ZNF791: variants seen among roughly 807,000 people sequenced by gnomAD.
The protein encoded by ZNF791 is zinc finger protein 791.
Under a neutral mutation model 11.5 loss-of-function variants are expected in ZNF791, and 4 were observed. That is an observed-to-expected ratio of 0.35 (90% CI 0.17 to 0.80). The LOEUF is 0.80. ZNF791 is among the 30% of genes least tolerant of loss of function. The pLI, the probability that ZNF791 is intolerant of heterozygous loss-of-function variation, is 0.53. For synonymous variants in ZNF791, 212 were observed against 228.1 expected, an observed-to-expected ratio of 0.93 and a Z score of 0.64; for missense variants, 559 against 699.4, an observed-to-expected ratio of 0.80 and a Z score of 2.26.
chr19:12,613,080 C>T (rs1017617897), intron 1 of ZNF791, among the ~76,000 whole-genome samples: 3 of 152,024 alleles, frequency 2.0e-5, no homozygotes, highest in African/African-American at 7.2e-5. Context: ...GCCTTAGCCT[C>T]CCAAGTACCT....
At chr19:12,614,633 T>G (rs996749726) in intron 1 of ZNF791, among the ~76,000 whole-genome samples, 1 of 151,468 alleles carries the variant, frequency 6.6e-6, no homozygotes, top group African/African-American at 2.4e-5. Flanking sequence ...TTGCTCTTGT[T>G]GCCCAGGCTG....
intron 1 of ZNF791, among the ~76,000 whole-genome samples, chr19:12,618,977 A>G (rs549126666): frequency 6.5e-4 from 98 of 151,460 alleles, no homozygotes; most frequent in East Asian, 4.8e-3. Flanking sequence ...CCTCCCGAGT[A>G]GCTGGGACTA....
chr19:12,613,002 A>G (rs758315240), intron 1 of ZNF791, among the ~76,000 whole-genome samples: 2 of 151,608 alleles, frequency 1.3e-5, no homozygotes, highest in Non-Finnish European at 2.9e-5. Flanking sequence ...TAGACATTAC[A>G]TTTGAGTTTC....
At position 12,630,581 on chromosome 19, in the gene ZNF791, C is replaced by T. The variant is rs2023491295; in HGVS notation, c.*1321C>T. On this transcript the variant is annotated 3_prime_UTR_variant, in exon 4 of 4. Coordinates refer to ENST00000343325, the MANE Select transcript of ZNF791 (RefSeq NM_153358.3). ...TGTGTTTTTTTAACAGTAAGACAGTCTCAGGCAGGTCCTTAAGGAGATATT... is the reference window on the plus strand; with the variant it reads ...TGTGTTTTTTTAACAGTAAGACAGTTTCAGGCAGGTCCTTAAGGAGATATT... The T allele has an allele frequency of 6.6e-6, 1 of 152,122 alleles. No individual in the cohort carries two copies. The highest frequency in any genetic ancestry group is 2.4e-5 in the African/African-American group (1 of 41,420). 9.4% of individuals were successfully genotyped at this position (152,122 alleles called of 1,614,324 possible). A position where few individuals can be genotyped will look rare whatever the true frequency, so the allele number is the denominator to read the frequency against.
chr19:12,617,034 A>G (rs573822139), intron 1 of ZNF791, among the ~76,000 whole-genome samples: 67 of 152,002 alleles, frequency 4.4e-4, no homozygotes, highest in Admixed American at 1.0e-3. Context: ...GTTTAATAGT[A>G]TAAATTTCAC....
chr19:12,615,469 T>C (rs1231976728), intron 1 of ZNF791, among the ~76,000 whole-genome samples: 1 of 152,074 alleles, frequency 6.6e-6, no homozygotes, highest in African/African-American at 2.4e-5. Context: ...TCTCTTATCG[T>C]TGAACAATAT....
At chr19:12,626,267 G>A (rs1052516458) in intron 3 of ZNF791, among the ~76,000 whole-genome samples, 3 of 151,838 alleles carry the variant, frequency 2.0e-5, no homozygotes, top group Admixed American at 6.6e-5. Flanking sequence ...TGCCCACCTC[G>A]GCCTCCCAAA....
At position 12,629,565 on chromosome 19, in the gene ZNF791, T is replaced by C. The variant is rs558302577; in HGVS notation, c.*305T>C. On this transcript the variant is annotated 3_prime_UTR_variant, in exon 4 of 4. Coordinates refer to ENST00000343325, the MANE Select transcript of ZNF791 (RefSeq NM_153358.3). ...AGTGTTTATGGTGCTGGTGTAAACGTGCTGCACTTTCAGTTGTATAAAAGT... is the reference window on the plus strand; with the variant it reads ...AGTGTTTATGGTGCTGGTGTAAACGCGCTGCACTTTCAGTTGTATAAAAGT... The C allele has an allele frequency of 5.2e-6, 1 of 191,294 alleles. No homozygotes were observed. The highest frequency in any genetic ancestry group is 5.8e-5 in the Admixed American group (1 of 17,142). The allele number at this position is 191,294 out of a possible 1,614,324, so 11.8% of individuals were successfully genotyped here.
At chr19:12,623,676 C>T in intron 1 of ZNF791, 24 bp from the exon 2 acceptor site, 2 of 1,613,528 alleles carry the variant, frequency 1.2e-6, no homozygotes, top group Middle Eastern at 1.7e-4. Flanking sequence ...CTCACCTATT[C>T]TCTACTTATA....
intron 1 of ZNF791, among the ~76,000 whole-genome samples, chr19:12,616,490 G>C (rs2023246501): frequency 6.6e-6 from 1 of 152,200 alleles, no homozygotes; most frequent in African/African-American, 2.4e-5. Context: ...CTGGGGAGCA[G>C]AGCTGAGAAG....
intron 3 of ZNF791, 66 bp from the exon 4 acceptor site, chr19:12,627,655 T>A: frequency 7.3e-7 from 1 of 1,362,930 alleles, no homozygotes; most frequent in Non-Finnish European, 1.0e-6. Flanking sequence ...TTAGTTCTAC[T>A]ACCCGATAAT....
chr19:12,614,753 C>A lies in ZNF791; in HGVS notation c.3+3671C>A, dbSNP rs1487789157. On this transcript the variant is annotated intron_variant, in intron 1 of 3. Coordinates refer to ENST00000343325, the MANE Select transcript of ZNF791 (RefSeq NM_153358.3). ...GGGATTACAGGCGTGCGCCACCATGCCCAGCTAATTTTGTATTTTTAGTAG... is the reference window on the plus strand; with the variant it reads ...GGGATTACAGGCGTGCGCCACCATGACCAGCTAATTTTGTATTTTTAGTAG... 2.6e-5 allele frequency among the ~76,000 whole-genome samples: 4 copies of A among 151,992 alleles called. No homozygotes were observed. The East Asian group carries it at 7.7e-4, about 29-fold the overall frequency.
intron 1 of ZNF791, among the ~76,000 whole-genome samples, chr19:12,620,137 T>C (rs1267843963): frequency 6.6e-6 from 1 of 151,930 alleles, no homozygotes; most frequent in Admixed American, 6.6e-5. Context: ...TCTTCTGACC[T>C]CGTGATCCAC....
rs560513416 is a variant in ZNF791 at position 12,627,717 on chromosome 19, AC to A, written c.192-3del. ...AGTATTACCGTGCTTCTAATTTTTT[AC>A]AGAAGCCATACGGGAGAGAGACTCT... On this transcript the variant is annotated splice_region_variant and splice_polypyrimidine_tract_variant and intron_variant, in intron 3 of 3. Transcript: ENST00000343325. 6.3e-7 allele frequency: 1 copy of A among 1,596,118 alleles called. No homozygotes were observed. Among genetic ancestry groups the A allele is most frequent in the Non-Finnish European group, 8.6e-7 (1 of 1,169,124 alleles).
At chr19:12,618,928 A>G (rs950406037) in intron 1 of ZNF791, among the ~76,000 whole-genome samples, 1 of 147,512 alleles carries the variant, frequency 6.8e-6, no homozygotes, top group African/African-American at 2.5e-5. Context: ...GCTCACTGCA[A>G]CCTCCGCCTC....
rs1463928710 is a variant in ZNF791 at position 12,629,266 on chromosome 19, C to G, written c.*6C>G. On this transcript the variant is annotated 3_prime_UTR_variant, in exon 4 of 4. Coordinates refer to ENST00000343325, the MANE Select transcript of ZNF791 (RefSeq NM_153358.3). ...TGAGAATGCACAATCGATAGAAACTCTATAAATGTGAGAAATAGGAGAAAG... is the reference window on the plus strand; with the variant it reads ...TGAGAATGCACAATCGATAGAAACTGTATAAATGTGAGAAATAGGAGAAAG... 7.0e-7 allele frequency: 1 copy of G among 1,435,346 alleles called. No individual in the cohort carries two copies. Among genetic ancestry groups the G allele is most frequent in the East Asian group, 2.4e-5 (1 of 41,532 alleles). The allele number at this position is 1,435,346 out of a possible 1,614,324, so 88.9% of individuals were successfully genotyped here. A position where few individuals can be genotyped will look rare whatever the true frequency, so the allele number is the denominator to read the frequency against.
At chr19:12,623,463 CT>C in intron 1 of ZNF791, 1 of 479,036 alleles carries the variant, frequency 2.1e-6, no homozygotes, top group Non-Finnish European at 3.6e-6. Context: ...TGTAGGATTT[CT>C]TTCATTTTTC....
rs1197058080 is a variant in ZNF791, at chr19:12,628,276, T to C, written c.747T>C (p.Cys249=). 1.2e-6 allele frequency: 2 copies of C among 1,613,884 alleles called. No individual in the cohort carries two copies. The highest frequency in any genetic ancestry group is 1.6e-4 in the Middle Eastern group (1 of 6,062). Residue 249 remains cysteine, a synonymous_variant, in exon 4 of 4, where the codon TGT becomes TGC. Coordinates refer to ENST00000343325, the MANE Select transcript of ZNF791 (RefSeq NM_153358.3). ...AGAAACCCTATGCATGTAAGGAATG[T>C]GGGAAAGCCTTCATTTCCCACACAA... ...TGEKPYACKE[C]GKAFISHTSV...
intron 1 of ZNF791, among the ~76,000 whole-genome samples, chr19:12,616,443 G>T (rs1374564928): frequency 2.0e-5 from 3 of 152,196 alleles, no homozygotes; most frequent in African/African-American, 7.2e-5. Flanking sequence ...CAAAAAGGAC[G>T]CTAGGCATGG....
Sources: allele counts gnomAD v4.1 joint callset (sites outside exome capture counted in the v4.1 genomes callset), GRCh38; gene constraint gnomAD v4.1.1; transcripts MANE v1.5; gene names NCBI Gene and HGNC (gene_info 2026-07-23, HGNC 2026-07-21).